The following MAP7D2 variants were observed in gnomAD, a reference collection of about 807,000 sequenced individuals.
MAP7D2 encodes the protein MAP7 domain containing 2.
Under a neutral mutation model 63.5 loss-of-function variants are expected in MAP7D2, and 33 were observed. The ratio of observed to expected loss-of-function variants is 0.52; its 90% CI spans 0.39 to 0.70. The LOEUF (loss-of-function observed/expected upper bound fraction) is 0.70, where lower values mean the gene tolerates loss of function less well. Ranked by LOEUF, MAP7D2 falls within the 30% of genes least tolerant of loss-of-function variation. MAP7D2 has a pLI of 0.00. For synonymous variants in MAP7D2, 224 were observed against 223.7 expected (o/e 1.00, Z -0.01); for missense variants, 626 against 604.0 (o/e 1.04, Z -0.38).
chrX:20,029,249 T>TG (rs2073973886), intron 8 of MAP7D2, among the ~76,000 whole-genome samples: 1 of 112,091 alleles, frequency 8.9e-6, no homozygotes, highest in East Asian at 2.8e-4. Flanking sequence ...AGGGCTGGAC[T>TG]GGGGGGAGTG....
chrX:20,062,791 C>T (rs1347943411), intron 3 of MAP7D2, among the ~76,000 whole-genome samples: 2 of 111,973 alleles, frequency 1.8e-5, no homozygotes, highest in African/African-American at 6.5e-5. Context: ...TGTGCCATTT[C>T]TTTTTTAAAA....
chrX:20,102,979 C>T (rs1419413755), intron 1 of MAP7D2, among the ~76,000 whole-genome samples: 3 of 111,104 alleles, frequency 2.7e-5, no homozygotes, highest in South Asian at 3.8e-4. Context: ...TGTCTGAGGC[C>T]GCAGTTTGTA....
chrX:20,068,799 T>C (rs2065424179), intron 1 of MAP7D2, among the ~76,000 whole-genome samples: 1 of 112,019 alleles, frequency 8.9e-6, no homozygotes. Flanking sequence ...ACTCCCATAA[T>C]TCCCAGGTGT....
chrX:20,064,659 G>T, intron 2 of MAP7D2, 69 bp downstream of exon 2: 1 of 919,730 alleles, frequency 1.1e-6, no homozygotes, highest in South Asian at 2.0e-5. Flanking sequence ...AAATTTCTAA[G>T]AATCTTCAGA....
intron 6 of MAP7D2, among the ~76,000 whole-genome samples, chrX:20,045,527 G>GAAAA (rs1170223479): frequency 3.3e-4 from 6 of 17,999 alleles, no homozygotes; most frequent in African/African-American, 5.0e-4. Flanking sequence ...ACCCCATCTC[G>GAAAA]AAAAAAAAAA....
intron 3 of MAP7D2, among the ~76,000 whole-genome samples, chrX:20,058,668 C>A (rs776819640): frequency 1.7e-3 from 187 of 112,023 alleles, no homozygotes; most frequent in African/African-American, 6.0e-3. Context: ...TTCCTTCAGA[C>A]CTTGAGGAGG....
chrX:20,059,503 T>C (rs1420435506), intron 3 of MAP7D2, among the ~76,000 whole-genome samples: 1 of 110,346 alleles, frequency 9.1e-6, no homozygotes, highest in African/African-American at 3.3e-5. Context: ...CTGAGTATCA[T>C]CTGATGATCA....
At chrX:20,072,528 G>C (rs2065530790) in intron 1 of MAP7D2, among the ~76,000 whole-genome samples, 1 of 111,666 alleles carries the variant, frequency 9.0e-6, no homozygotes, top group Admixed American at 9.5e-5. Context: ...AAGCACTCAA[G>C]AAATGTCAAG....
chrX:20,086,730 A>G (rs2065920067), intron 1 of MAP7D2, among the ~76,000 whole-genome samples: 1 of 111,685 alleles, frequency 9.0e-6, no homozygotes, highest in Non-Finnish European at 1.9e-5. Context: ...GATGATAATA[A>G]TCAACATTGA....
At chrX:20,084,196 C>CA (rs112492302) in intron 1 of MAP7D2, among the ~76,000 whole-genome samples, 865 of 56,262 alleles carry the variant, frequency 0.015, 9 homozygotes, top group South Asian at 0.051. Flanking sequence ...GCAAGACTCA[C>CA]AAAAAAAAAA....
intron 1 of MAP7D2, among the ~76,000 whole-genome samples, chrX:20,092,915 A>C (rs2066107675): frequency 8.9e-6 from 1 of 112,437 alleles, no homozygotes; most frequent in South Asian, 3.7e-4. Context: ...TCTGGACACT[A>C]CATTTGTAAG....
At chrX:20,036,532 G>A (rs7882991) in intron 8 of MAP7D2, among the ~76,000 whole-genome samples, 30,949 of 105,081 alleles carry the variant, frequency 0.29, 4,683 homozygotes, top group African/African-American at 0.57. Flanking sequence ...GTGAGCCACC[G>A]CGCCTGGCCT....
chrX:20,078,775 G>A (rs906094669), intron 1 of MAP7D2, among the ~76,000 whole-genome samples: 2 of 111,000 alleles, frequency 1.8e-5, no homozygotes, highest in Non-Finnish European at 3.8e-5. Flanking sequence ...TATGTCCTGA[G>A]TATCCAGAAA....
intron 5 of MAP7D2, among the ~76,000 whole-genome samples, chrX:20,051,539 C>T (rs2064948484): frequency 9.6e-6 from 1 of 104,038 alleles, no homozygotes; most frequent in Non-Finnish European, 2.0e-5. Context: ...AACAGAGAGC[C>T]TGTCTCAAAA....
At chrX:20,115,755 C>T (rs1207687773) in intron 1 of MAP7D2, among the ~76,000 whole-genome samples, 3 of 111,564 alleles carry the variant, frequency 2.7e-5, no homozygotes, top group South Asian at 3.7e-4. Context: ...CTTTTCTTGG[C>T]CCATCGTATA....
intron 1 of MAP7D2, among the ~76,000 whole-genome samples, chrX:20,073,766 T>C (rs2065569422): frequency 9.5e-6 from 1 of 105,138 alleles, no homozygotes; most frequent in African/African-American, 3.4e-5. Context: ...GACCTCGTGA[T>C]CCGCCTGCCT....
At chrX:20,011,845 G>A (rs997412180) in intron 15 of MAP7D2, among the ~76,000 whole-genome samples, 12 of 112,650 alleles carry the variant, frequency 1.1e-4, no homozygotes, top group Admixed American at 1.9e-4. Flanking sequence ...TGCGCCAGCT[G>A]TAAGGCCTAG....
chrX:20,009,030 T>C (rs759205959), intron 16 of MAP7D2, among the ~76,000 whole-genome samples: 2 of 111,405 alleles, frequency 1.8e-5, no homozygotes, highest in East Asian at 5.6e-4. Context: ...CACGTAACTG[T>C]CAGGGAAATA....
intron 1 of MAP7D2, among the ~76,000 whole-genome samples, chrX:20,073,195 G>A (rs1490721808): frequency 1.8e-5 from 2 of 111,482 alleles, no homozygotes; most frequent in Non-Finnish European, 3.8e-5. Context: ...CAAATATCTA[G>A]ATGATATATC....
Sources: allele counts gnomAD v4.1 joint callset (sites outside exome capture counted in the v4.1 genomes callset), GRCh38; gene constraint gnomAD v4.1.1; transcripts MANE v1.5; gene names NCBI Gene and HGNC (gene_info 2026-07-23, HGNC 2026-07-21).